The following AKAP19 variants were observed in gnomAD, a reference collection of about 807,000 sequenced individuals.
AKAP19 encodes small A-kinase anchoring protein.
At chr2:190,057,617 C>A in the AKAP19 span, 9 of 1,613,070 alleles carry the variant, frequency 5.6e-6, 1 homozygote, top group South Asian at 8.8e-5. Flanking sequence ...GTGTCTGTTA[C>A]CTTGACCTCT....
chr2:190,195,941 CTTTTT>C, the AKAP19 span, among the ~76,000 whole-genome samples: 20 of 86,196 alleles, frequency 2.3e-4, no homozygotes, highest in African/African-American at 5.8e-4. Context: ...CTGTGTCCAG[CTTTTT>C]TTTTTTTTTT....
At chr2:190,114,484 C>G in the AKAP19 span, among the ~76,000 whole-genome samples, 1 of 152,216 alleles carries the variant, frequency 6.6e-6, no homozygotes, top group East Asian at 1.9e-4. Context: ...GAGACGGAGT[C>G]TCGCTCTGTT....
the AKAP19 span, among the ~76,000 whole-genome samples, chr2:189,945,520 A>G: frequency 6.6e-6 from 1 of 152,218 alleles, no homozygotes; most frequent in African/African-American, 2.4e-5. Flanking sequence ...ATTCCTATTC[A>G]CAAAAACTGA....
At chr2:189,988,122 G>T in the AKAP19 span, among the ~76,000 whole-genome samples, 4 of 152,232 alleles carry the variant, frequency 2.6e-5, no homozygotes, top group East Asian at 1.9e-4. Flanking sequence ...CCACAGAACT[G>T]GTTGGCAGGT....
chr2:190,094,975 A>C, the AKAP19 span, among the ~76,000 whole-genome samples: 4 of 152,266 alleles, frequency 2.6e-5, 1 homozygote, highest in East Asian at 7.7e-4. Context: ...CGGTAATCCC[A>C]GCACTTTGAG....
At chr2:190,052,316 C>A in the AKAP19 span, among the ~76,000 whole-genome samples, 1 of 152,108 alleles carries the variant, frequency 6.6e-6, no homozygotes, top group South Asian at 2.1e-4. Flanking sequence ...CTAGCGATTG[C>A]CTCAATGACC....
At chr2:190,088,664 C>T in the AKAP19 span, among the ~76,000 whole-genome samples, 71,196 of 151,934 alleles carry the variant, frequency 0.47, 17,277 homozygotes, top group East Asian at 0.75. Context: ...ATTCTCTCTT[C>T]GGCAAAATTG....
At chr2:189,914,370 G>A in the AKAP19 span, among the ~76,000 whole-genome samples, 2 of 151,966 alleles carry the variant, frequency 1.3e-5, no homozygotes, top group Non-Finnish European at 2.9e-5. Context: ...ATGTTTCTAT[G>A]AATTGACGAA....
At chr2:190,161,864 G>C in the AKAP19 span, among the ~76,000 whole-genome samples, 24 of 152,282 alleles carry the variant, frequency 1.6e-4, no homozygotes, top group Non-Finnish European at 3.1e-4. Flanking sequence ...GGAACTAGGA[G>C]TGACTTAGAG....
chr2:190,098,050 T>C, the AKAP19 span, among the ~76,000 whole-genome samples: 1 of 152,112 alleles, frequency 6.6e-6, no homozygotes, highest in Non-Finnish European at 1.5e-5. Context: ...AAGTCATTCA[T>C]GAAGGTTTGA....
chr2:189,967,851 A>C, the AKAP19 span, among the ~76,000 whole-genome samples: 14 of 150,204 alleles, frequency 9.3e-5, no homozygotes, highest in African/African-American at 3.3e-4. Context: ...AAAAATTTGA[A>C]ATTAAAAAAA....
At chr2:190,186,799 A>G in the AKAP19 span, among the ~76,000 whole-genome samples, 1 of 152,174 alleles carries the variant, frequency 6.6e-6, no homozygotes, top group Non-Finnish European at 1.5e-5. This position sits in a 1 kb window ranked among gnomAD's most constrained non-coding sequence, Gnocchi z 5.5. Flanking sequence ...ATAATGACAA[A>G]TATGTTACTA....
chr2:189,895,819 TAAG>T, the AKAP19 span, among the ~76,000 whole-genome samples: 6 of 151,928 alleles, frequency 3.9e-5, no homozygotes, highest in East Asian at 1.2e-3. Context: ...TCAGAATGAA[TAAG>T]AAGAGAGGTG....
At chr2:189,885,030 C>T in the AKAP19 span, among the ~76,000 whole-genome samples, 1 of 152,196 alleles carries the variant, frequency 6.6e-6, no homozygotes, top group Non-Finnish European at 1.5e-5. Context: ...TATGTTTTCT[C>T]ATGGGACATC....
At chr2:190,092,636 C>T in the AKAP19 span, among the ~76,000 whole-genome samples, 1 of 152,126 alleles carries the variant, frequency 6.6e-6, no homozygotes, top group Non-Finnish European at 1.5e-5. Flanking sequence ...AAAACATACA[C>T]ATTAATACAC....
At chr2:190,026,641 G>A in the AKAP19 span, among the ~76,000 whole-genome samples, 45 of 152,230 alleles carry the variant, frequency 3.0e-4, no homozygotes, top group South Asian at 1.7e-3. Context: ...TCTGATGTGA[G>A]TACCTCCAAA....
At chr2:189,924,353 A>G in the AKAP19 span, 36 of 832,544 alleles carry the variant, frequency 4.3e-5, no homozygotes, top group African/African-American at 1.5e-4. Flanking sequence ...TGTCCTTCCC[A>G]TGTTCATTAA....
chr2:189,965,115 G>A, the AKAP19 span, among the ~76,000 whole-genome samples: 1 of 152,094 alleles, frequency 6.6e-6, no homozygotes, highest in Admixed American at 6.5e-5. Context: ...GTTCTAAATT[G>A]GCCTAATATC....
At chr2:189,929,540 A>G in the AKAP19 span, among the ~76,000 whole-genome samples, 1 of 126,686 alleles carries the variant, frequency 7.9e-6, no homozygotes, top group Non-Finnish European at 1.7e-5. Context: ...ACTGTAATAG[A>G]GTTGGTTTAT....
Sources: allele counts gnomAD v4.1 joint callset (sites outside exome capture counted in the v4.1 genomes callset), GRCh38; gene constraint gnomAD v4.1.1; non-coding constraint Gnocchi (gnomAD v3.1); transcripts MANE v1.5; gene names NCBI Gene and HGNC (gene_info 2026-07-23, HGNC 2026-07-21).